Variants in EML4 observed in about 807,000 individuals in gnomAD.
EML4 encodes EMAP like 4, also known as echinoderm microtubule-associated protein-like 4.
A neutral mutation model predicts 129.0 loss-of-function variants in EML4; 72 were observed. The ratio of observed to expected loss-of-function variants is 0.56; its 90% CI spans 0.46 to 0.68. The LOEUF (loss-of-function observed/expected upper bound fraction) is 0.68, where lower values mean the gene tolerates loss of function less well. Ranked by LOEUF, EML4 falls within the 30% of genes least tolerant of loss-of-function variation. EML4 has a pLI of 0.00. For missense variants in EML4, 1,363 were observed against 1,190.6 expected, an observed-to-expected ratio of 1.14 and a Z score of -2.13; for synonymous variants, 532 against 405.0, an observed-to-expected ratio of 1.31 and a Z score of -3.77.
At chr2:42,292,641 A>G (rs1041820723) in intron 11 of EML4, among the ~76,000 whole-genome samples, 1 of 152,196 alleles carries the variant, frequency 6.6e-6, no homozygotes, top group African/African-American at 2.4e-5. Flanking sequence ...GATCTAGGGT[A>G]TTTATGGAAG....
chr2:42,257,689 T>C (rs1208705671), intron 3 of EML4, among the ~76,000 whole-genome samples: 2 of 151,752 alleles, frequency 1.3e-5, no homozygotes, highest in East Asian at 3.9e-4. Flanking sequence ...ACAAAAAAAA[T>C]AGCCAGGCGT....
intron 1 of EML4, among the ~76,000 whole-genome samples, chr2:42,213,083 G>C (rs1394878604): frequency 6.6e-6 from 1 of 152,186 alleles, no homozygotes; most frequent in African/African-American, 2.4e-5. Context: ...CTCTGCTTCA[G>C]TTGTAAAAAT....
At chr2:42,281,252 G>A (rs533463526) in intron 7 of EML4, among the ~76,000 whole-genome samples, 1 of 152,050 alleles carries the variant, frequency 6.6e-6, no homozygotes, top group Non-Finnish European at 1.5e-5. Context: ...AATTAGCCAG[G>A]TGTGGTGGTG....
intron 2 of EML4, among the ~76,000 whole-genome samples, chr2:42,254,820 A>G (rs1572634408): frequency 6.6e-6 from 1 of 152,210 alleles, no homozygotes; most frequent in Non-Finnish European, 1.5e-5. Context: ...AGGTGGTTAT[A>G]TGAAAAATTT....
At chr2:42,254,465 A>AT (rs1675991264) in intron 2 of EML4, among the ~76,000 whole-genome samples, 3 of 151,956 alleles carry the variant, frequency 2.0e-5, no homozygotes, top group African/African-American at 7.2e-5. Context: ...CTCAAAAAAA[A>AT]AAAAAAGACT....
At chr2:42,266,542 C>G (rs1572656747) in intron 6 of EML4, among the ~76,000 whole-genome samples, 1 of 151,852 alleles carries the variant, frequency 6.6e-6, no homozygotes. Flanking sequence ...TGGGGTCTCA[C>G]TTTGTTGCCT....
chr2:42,287,789 C>G (rs1184650496), intron 10 of EML4, among the ~76,000 whole-genome samples: 2 of 152,080 alleles, frequency 1.3e-5, no homozygotes, highest in African/African-American at 2.4e-5. Context: ...CTAAAATAGC[C>G]ATGAATTTTA....
chr2:42,172,662 T>C (rs1039255567), intron 1 of EML4, among the ~76,000 whole-genome samples: 14 of 152,184 alleles, frequency 9.2e-5, no homozygotes, highest in African/African-American at 1.7e-4. Flanking sequence ...CCTTTTTTTT[T>C]TTAAACTTAG....
At chr2:42,187,697 A>G (rs1671342203) in intron 1 of EML4, among the ~76,000 whole-genome samples, 2 of 151,956 alleles carry the variant, frequency 1.3e-5, no homozygotes, top group African/African-American at 4.8e-5. Flanking sequence ...GGTTGCCTTA[A>G]GTTTTGAGAG....
At chr2:42,236,328 A>G (rs1390808552) in intron 1 of EML4, among the ~76,000 whole-genome samples, 1 of 152,212 alleles carries the variant, frequency 6.6e-6, no homozygotes, top group African/African-American at 2.4e-5. Flanking sequence ...TACAATTGAT[A>G]GATATTTAGG....
At chr2:42,203,691 G>T (rs1572536569) in intron 1 of EML4, among the ~76,000 whole-genome samples, 2 of 141,234 alleles carry the variant, frequency 1.4e-5, no homozygotes, top group Admixed American at 7.1e-5. Flanking sequence ...GGTGTGAATT[G>T]CAGTTGCCTG....
intron 1 of EML4, among the ~76,000 whole-genome samples, chr2:42,185,626 A>G (rs1572844071): frequency 6.6e-6 from 1 of 152,166 alleles, no homozygotes; most frequent in Non-Finnish European, 1.5e-5. Context: ...ATAATTGAGT[A>G]TGGAGATGAG....
intron 1 of EML4, among the ~76,000 whole-genome samples, chr2:42,182,372 G>GC (rs1418047599): frequency 2.0e-5 from 3 of 146,524 alleles, no homozygotes; most frequent in Non-Finnish European, 4.5e-5. Context: ...GTGCTGGGCT[G>GC]CCCCCTCATC....
chr2:42,231,943 C>G (rs184115745), intron 1 of EML4, among the ~76,000 whole-genome samples: 6 of 148,688 alleles, frequency 4.0e-5, no homozygotes, highest in Non-Finnish European at 7.4e-5. Context: ...AGTGAGACTC[C>G]GTCTCAAAAA....
chr2:42,304,155 G>C (rs748843071), intron 16 of EML4, among the ~76,000 whole-genome samples: 3 of 152,056 alleles, frequency 2.0e-5, no homozygotes, highest in Non-Finnish European at 4.4e-5. Context: ...ACCCAACCCA[G>C]ATATCCACCT....
chr2:42,283,764 G>C lies in EML4; in HGVS notation c.941+792G>C, dbSNP rs1247027363. On this transcript the variant is annotated intron_variant, in intron 8 of 22. Transcript: ENST00000318522. Reference sequence around the variant, plus strand: ...AAAACTATTTACTGCAGCATTGTTTGTGATGAAGATTAGAAACAGCCTAAG... The same window carrying C: ...AAAACTATTTACTGCAGCATTGTTTCTGATGAAGATTAGAAACAGCCTAAG... Among the ~76,000 whole-genome samples, 9 of 152,284 alleles carry C rather than the reference G, an allele frequency of 5.9e-5. 1 individual carries two copies. The South Asian group carries it at 1.9e-3, about 32-fold the overall frequency.
At chr2:42,292,376 T>C (rs1057216306) in intron 11 of EML4, among the ~76,000 whole-genome samples, 1 of 152,182 alleles carries the variant, frequency 6.6e-6, no homozygotes, top group African/African-American at 2.4e-5. Context: ...ACCCTGCCCA[T>C]CAGCAGGAGA....
chr2:42,190,339 T>G (rs1311785628), intron 1 of EML4, among the ~76,000 whole-genome samples: 2 of 152,070 alleles, frequency 1.3e-5, no homozygotes, highest in Non-Finnish European at 2.9e-5. Flanking sequence ...TGAAAGATAA[T>G]GGTGACTAGA....
chr2:42,302,646 G>A (rs780731730), intron 14 of EML4, among the ~76,000 whole-genome samples: 1 of 151,420 alleles, frequency 6.6e-6, no homozygotes, highest in Non-Finnish European at 1.5e-5. Flanking sequence ...CAATTCTCCT[G>A]CCTCAGCCTC....
Sources: allele counts gnomAD v4.1 joint callset (sites outside exome capture counted in the v4.1 genomes callset), GRCh38; gene constraint gnomAD v4.1.1; transcripts MANE v1.5; gene names NCBI Gene and HGNC (gene_info 2026-07-23, HGNC 2026-07-21).